Variants in APBB2 observed in about 807,000 individuals in gnomAD.
APBB2 encodes the protein Fe65-like 1.
APBB2 carries 38 observed loss-of-function variants against 82.5 expected under a neutral mutation model. The observed-to-expected ratio is 0.46, with a 90% CI of 0.36 to 0.60. The LOEUF is 0.60. Ranked by LOEUF, APBB2 falls within the 20% of genes least tolerant of loss-of-function variation. The pLI is 0.00. For missense variants in APBB2, 772 were observed against 972.3 expected (o/e 0.79, Z 2.74); for synonymous variants, 341 against 368.2 (o/e 0.93, Z 0.85).
chr4:40,831,420 A>C (rs543822437), intron 12 of APBB2, among the ~76,000 whole-genome samples: 1 of 152,064 alleles, frequency 6.6e-6, no homozygotes, highest in African/African-American at 2.4e-5. Flanking sequence ...ACAAAAAAAA[A>C]ACATAACTTC....
At chr4:40,859,264 A>T (rs987762106) in intron 12 of APBB2, among the ~76,000 whole-genome samples, 1 of 148,218 alleles carries the variant, frequency 6.7e-6, no homozygotes, top group African/African-American at 2.5e-5. Flanking sequence ...TCCAGCCAAC[A>T]TCTCATCAGG....
At chr4:40,843,361 G>A (rs1353741790) in intron 12 of APBB2, among the ~76,000 whole-genome samples, 4 of 152,178 alleles carry the variant, frequency 2.6e-5, no homozygotes, top group Non-Finnish European at 1.5e-5. Flanking sequence ...GTCATTAAGT[G>A]GAAAGGAAGA....
Position 41,041,133 on chromosome 4 carries a change from G to A in APBB2, c.-50-7829C>T, listed in dbSNP as rs572510854. Among the ~76,000 whole-genome samples, 60 of 152,258 alleles carry A rather than the reference G, an allele frequency of 3.9e-4. 1 individual carries two copies. In the East Asian group the frequency reaches 9.7e-3, roughly 25 times the overall value. ...CTGATCTTGTGATTCCCCCACCTTG[G>A]CCTCCCAAAGTGCTGGGATTACAGG... On this transcript the variant is annotated intron_variant, in intron 4 of 17. Coordinates refer to ENST00000508593, the MANE Select transcript of APBB2 (RefSeq NM_004307.2).
intron 6 of APBB2, among the ~76,000 whole-genome samples, chr4:40,966,847 G>A (rs987046448): frequency 3.3e-5 from 5 of 152,188 alleles, no homozygotes; most frequent in Admixed American, 6.5e-5. Context: ...GGTTAATGGC[G>A]GCAGGAGGCA....
chr4:40,930,964 G>T (rs1357392366), intron 10 of APBB2, among the ~76,000 whole-genome samples: 1 of 152,078 alleles, frequency 6.6e-6, no homozygotes, highest in Non-Finnish European at 1.5e-5. Flanking sequence ...AGCCCAGATG[G>T]TCTCGATCTC....
chr4:40,947,728 C>T (rs1032539488), intron 6 of APBB2, among the ~76,000 whole-genome samples: 2 of 152,098 alleles, frequency 1.3e-5, no homozygotes, highest in African/African-American at 4.8e-5. Context: ...TTATAGAATC[C>T]CTTCATATTA....
intron 5 of APBB2, among the ~76,000 whole-genome samples, chr4:41,027,280 G>A (rs982137670): frequency 6.6e-6 from 1 of 151,156 alleles, no homozygotes; most frequent in African/African-American, 2.4e-5. Context: ...TCTTGGGTGT[G>A]TACTCAGGAG....
chr4:41,059,561 C>A lies in APBB2; in HGVS notation c.-51+6015G>T, dbSNP rs577049423. Among the ~76,000 whole-genome samples the A allele has an allele frequency of 1.7e-4, 26 of 152,406 alleles. No individual in the cohort carries two copies. In the East Asian group the frequency reaches 4.2e-3, roughly 25 times the overall value. ...CACCTGGCCCGCCCAGGGCGGAAAACCGCTTAAAGGCGTTCTTAAGCCACA... is the reference window on the plus strand; with the variant it reads ...CACCTGGCCCGCCCAGGGCGGAAAAACGCTTAAAGGCGTTCTTAAGCCACA... On this transcript the variant is annotated intron_variant, in intron 4 of 17. Transcript: ENST00000508593.
At chr4:41,076,324 G>C (rs532013512) in intron 3 of APBB2, among the ~76,000 whole-genome samples, 1 of 152,182 alleles carries the variant, frequency 6.6e-6, no homozygotes, top group African/African-American at 2.4e-5. Flanking sequence ...TCATTTTAAG[G>C]AGTAAAACTC....
At position 41,100,755 on chromosome 4, in the gene APBB2, A is replaced by G. The variant is rs1745066583; in HGVS notation, c.-260-5T>C. The G allele has an allele frequency of 6.6e-6, 1 of 152,228 alleles. No individual in the cohort carries two copies. 9.4% of individuals were successfully genotyped at this position (152,228 alleles called of 1,614,324 possible). On this transcript the variant is annotated splice_region_variant and splice_polypyrimidine_tract_variant and intron_variant, in intron 2 of 17. Coordinates refer to ENST00000508593, the MANE Select transcript of APBB2 (RefSeq NM_004307.2). ...AGGCAGCCCAAAGAGATCGATCTAG[A>G]AAGTGTGTAGAGACAAAAATTTTAA...
At chr4:40,924,011 T>C (rs1217311875) in intron 10 of APBB2, among the ~76,000 whole-genome samples, 1 of 152,110 alleles carries the variant, frequency 6.6e-6, no homozygotes, top group Non-Finnish European at 1.5e-5. Context: ...TGGCAGTGAG[T>C]GTCTGCACCA....
intron 2 of APBB2, among the ~76,000 whole-genome samples, chr4:41,122,752 T>A (rs998892589): frequency 2.0e-5 from 3 of 152,236 alleles, no homozygotes; most frequent in East Asian, 1.9e-4. Context: ...GTGATTTTTT[T>A]AAAAAACATT....
intron 1 of APBB2, among the ~76,000 whole-genome samples, chr4:41,144,442 G>GT (rs1302734486): frequency 6.6e-6 from 1 of 152,172 alleles, no homozygotes; most frequent in African/African-American, 2.4e-5. Context: ...AAAGCTATTT[G>GT]TATTTTCTTT....
intron 5 of APBB2, among the ~76,000 whole-genome samples, chr4:41,027,630 A>G (rs1300476859): frequency 2.6e-5 from 4 of 152,114 alleles, no homozygotes; most frequent in African/African-American, 9.7e-5. Context: ...TATAAAGTCT[A>G]GCATGTAATA....
At chr4:41,030,883 A>C (rs1433296705) in intron 5 of APBB2, among the ~76,000 whole-genome samples, 2 of 138,970 alleles carry the variant, frequency 1.4e-5, no homozygotes, top group East Asian at 3.9e-4. Flanking sequence ...TCCTGAGCTG[A>C]ATCGTGAAGG....
chr4:41,032,238 G>A (rs1324235132), intron 5 of APBB2, among the ~76,000 whole-genome samples: 2 of 152,128 alleles, frequency 1.3e-5, no homozygotes, highest in African/African-American at 4.8e-5. Context: ...AGAACTTGCT[G>A]AGCAATATGT....
Position 40,893,836 on chromosome 4 carries a change from C to T in APBB2, c.1255-425G>A, listed in dbSNP as rs561569745. On this transcript the variant is annotated intron_variant, in intron 10 of 17. Coordinates refer to ENST00000508593, the MANE Select transcript of APBB2 (RefSeq NM_004307.2). The stretch of plus-strand genomic sequence containing the variant: ...TAAAAATACAAAAATTAGCCAGGCA[C>T]GGTGGTGGGTGCCTGCAACTCCAGC... 1.9e-4 allele frequency among the ~76,000 whole-genome samples: 29 copies of T among 151,872 alleles called. No homozygotes were observed. The South Asian group carries it at 2.3e-3, about 12-fold the overall frequency.
chr4:40,972,964 T>C (rs1314490905), intron 6 of APBB2, among the ~76,000 whole-genome samples: 4 of 152,242 alleles, frequency 2.6e-5, no homozygotes, highest in Non-Finnish European at 4.4e-5. Context: ...AGATATTTTA[T>C]ATCCTTAATC....
At chr4:41,030,339 C>A (rs887879039) in intron 5 of APBB2, among the ~76,000 whole-genome samples, 1 of 152,140 alleles carries the variant, frequency 6.6e-6, no homozygotes, top group Non-Finnish European at 1.5e-5. Flanking sequence ...AGAATTAAGA[C>A]CTTTGGAGTA....
Sources: gnomAD v4.1 joint callset for allele counts (sites outside exome capture counted in the v4.1 genomes callset) on GRCh38, gnomAD v4.1.1 for gene constraint, MANE v1.5 for transcripts, NCBI Gene and HGNC (gene_info 2026-07-23, HGNC 2026-07-21) for gene names.